The following GPHN variants were observed in gnomAD, a reference collection of about 807,000 sequenced individuals.
GPHN encodes the protein gephyrin.
In GPHN, 17 loss-of-function variants were observed where a neutral mutation model predicts 95.5. The ratio of observed to expected loss-of-function variants is 0.18; its 90% CI spans 0.12 to 0.27. The LOEUF is 0.27. GPHN is among the 10% of genes least tolerant of loss of function. The pLI is 1.00. For missense variants in GPHN, 660 were observed against 978.1 expected (o/e 0.67, Z 4.34); for synonymous variants, 320 against 322.5 (o/e 0.99, Z 0.08).
chr14:67,175,075 A>G (rs563976099), intron 21 of GPHN, among the ~76,000 whole-genome samples: 1 of 152,176 alleles, frequency 6.6e-6, no homozygotes, highest in East Asian at 1.9e-4. Flanking sequence ...GAAGCTCTTT[A>G]GTTTAATTAG....
At chr14:67,245,507 A>G in the GPHN span, among the ~76,000 whole-genome samples, 20 of 151,844 alleles carry the variant, frequency 1.3e-4, no homozygotes, top group Non-Finnish European at 2.4e-4. Context: ...ATTTATTATT[A>G]TCTTATTATT....
intron 17 of GPHN, among the ~76,000 whole-genome samples, chr14:67,123,735 A>C (rs2079137376): frequency 6.6e-6 from 1 of 152,212 alleles, no homozygotes; most frequent in Admixed American, 6.5e-5. Flanking sequence ...GACCACGTAC[A>C]ACCCAGGACA....
chr14:67,284,773 A>G, the GPHN span, among the ~76,000 whole-genome samples: 13 of 151,968 alleles, frequency 8.6e-5, no homozygotes, highest in Admixed American at 8.5e-4. Flanking sequence ...GCCTCTTTTC[A>G]CTTACCATTA....
intron 1 of GPHN, among the ~76,000 whole-genome samples, chr14:66,538,363 A>G (rs886639632): frequency 1.3e-5 from 2 of 149,978 alleles, no homozygotes; most frequent in African/African-American, 4.9e-5. Flanking sequence ...TTTGTATTTT[A>G]TATCTTTATA....
chr14:66,778,468 C>T (rs933977665), intron 3 of GPHN, among the ~76,000 whole-genome samples: 8 of 152,054 alleles, frequency 5.3e-5, no homozygotes, highest in Non-Finnish European at 1.0e-4. Context: ...TAACATTTTA[C>T]TAAGTCTTAT....
At chr14:67,052,235 A>T (rs1437624430) in intron 10 of GPHN, among the ~76,000 whole-genome samples, 1 of 152,190 alleles carries the variant, frequency 6.6e-6, no homozygotes, top group Admixed American at 6.5e-5. Context: ...AAAGACACAC[A>T]TAGGCTCAAA....
At chr14:67,166,362 G>GT in intron 20 of GPHN, among the ~76,000 whole-genome samples, 1 of 152,202 alleles carries the variant, frequency 6.6e-6, no homozygotes, top group Non-Finnish European at 1.5e-5. Flanking sequence ...TAGCCTGGAA[G>GT]AGCCTCTTTT....
At chr14:66,804,000 TGG>T (rs200786549) in intron 3 of GPHN, among the ~76,000 whole-genome samples, 1 of 149,190 alleles carries the variant, frequency 6.7e-6, no homozygotes, top group South Asian at 2.2e-4. Flanking sequence ...GCATCTCTTT[TGG>T]GGGTTTTTTT....
chr14:66,763,219 A>C (rs989722829), intron 2 of GPHN, among the ~76,000 whole-genome samples: 1 of 108,404 alleles, frequency 9.2e-6, no homozygotes, highest in Non-Finnish European at 1.7e-5. Context: ...TTTTTTTTTT[A>C]ATCTTTTTTT....
the GPHN span, among the ~76,000 whole-genome samples, chr14:67,708,651 C>T: frequency 2.0e-5 from 3 of 152,182 alleles, no homozygotes; most frequent in South Asian, 6.2e-4. Flanking sequence ...GATTTTGGAA[C>T]ACATACCAGT....
intron 13 of GPHN, among the ~76,000 whole-genome samples, chr14:67,107,481 G>A (rs2078108883): frequency 6.6e-6 from 1 of 152,172 alleles, no homozygotes; most frequent in Non-Finnish European, 1.5e-5. Flanking sequence ...GGTTGTACCT[G>A]TGATTTTATA....
At chr14:67,190,231 T>TC in the GPHN span, among the ~76,000 whole-genome samples, 8 of 148,740 alleles carry the variant, frequency 5.4e-5, no homozygotes, top group African/African-American at 2.0e-4. Flanking sequence ...TCTTTTCTTT[T>TC]TTTTTTTTTT....
intron 3 of GPHN, among the ~76,000 whole-genome samples, chr14:66,794,651 A>G (rs1308000842): frequency 6.6e-6 from 1 of 152,196 alleles, no homozygotes; most frequent in Non-Finnish European, 1.5e-5. Context: ...GAAGTGCTTA[A>G]TACTTTTTCT....
the GPHN span, among the ~76,000 whole-genome samples, chr14:67,541,536 G>GA: frequency 1.3e-5 from 2 of 152,238 alleles, no homozygotes; most frequent in Non-Finnish European, 2.9e-5. Flanking sequence ...ATGGATAATT[G>GA]AAAAACAAAT....
At chr14:66,890,681 C>A (rs140689159) in intron 5 of GPHN, among the ~76,000 whole-genome samples, 175 of 151,824 alleles carry the variant, frequency 1.2e-3, no homozygotes, top group Middle Eastern at 3.4e-3. Flanking sequence ...TCAAAAAAAA[C>A]CCCCAGCAAA....
the GPHN span, among the ~76,000 whole-genome samples, chr14:67,212,644 CA>C: frequency 2.4e-3 from 348 of 142,804 alleles, 1 homozygote; most frequent in African/African-American, 8.5e-3. Context: ...ATATATATTA[CA>C]TATATATATA....
the GPHN span, among the ~76,000 whole-genome samples, chr14:67,418,315 A>G: frequency 6.6e-6 from 1 of 152,178 alleles, no homozygotes; most frequent in Non-Finnish European, 1.5e-5. Context: ...TACTCCACAC[A>G]GTCTTCTTTG....
intron 1 of GPHN, among the ~76,000 whole-genome samples, chr14:66,677,999 T>C (rs2066709458): frequency 6.6e-6 from 1 of 152,180 alleles, no homozygotes; most frequent in African/African-American, 2.4e-5. Flanking sequence ...TGTAACTTGA[T>C]GCCTTTTGCT....
intron 4 of GPHN, among the ~76,000 whole-genome samples, chr14:66,844,655 T>G (rs1196696827): frequency 1.3e-5 from 2 of 152,106 alleles, no homozygotes; most frequent in African/African-American, 4.8e-5. Context: ...TAGATAAAAT[T>G]TGTCAGTGTG....
Sources: allele counts gnomAD v4.1 joint callset (sites outside exome capture counted in the v4.1 genomes callset), GRCh38; gene constraint gnomAD v4.1.1; transcripts MANE v1.5; gene names NCBI Gene and HGNC (gene_info 2026-07-23, HGNC 2026-07-21).